Variants in SLC35E2B observed in about 807,000 individuals in gnomAD.
SLC35E2B encodes solute carrier family 35, member E2B.
SLC35E2B carries 18 observed loss-of-function variants against 32.4 expected under a neutral mutation model. The ratio of observed to expected loss-of-function variants is 0.56; its 90% CI spans 0.38 to 0.82. The LOEUF (loss-of-function observed/expected upper bound fraction) is 0.82, where lower values mean the gene tolerates loss of function less well. Among genes scored for constraint, SLC35E2B ranks in the 40% least tolerant of loss-of-function variants. The pLI, the probability that SLC35E2B is intolerant of heterozygous loss-of-function variation, is 0.00. For missense variants in SLC35E2B, 263 were observed against 469.5 expected (o/e 0.56, Z 4.06); for synonymous variants, 132 against 209.1 (o/e 0.63, Z 3.18).
Position 1,678,968 on chromosome 1 carries a change from C to T in SLC35E2B, c.-147-2122G>A, listed in dbSNP as rs1038645884. ...GCAGAGCAAAAGGACAGAGCACTCG[C>T]GACAGGGCTCCGCAAGGCAGGGGTG... On this transcript the variant is annotated intron_variant, in intron 2 of 9. Coordinates refer to ENST00000617444, the MANE Select transcript of SLC35E2B (RefSeq NM_001290264.2). Among the ~76,000 whole-genome samples the T allele has an allele frequency of 9.2e-5, 14 of 152,256 alleles. 1 individual carries two copies. The highest frequency in any genetic ancestry group is 4.1e-4 in the South Asian group (2 of 4,828).
rs1354014108 is a variant in SLC35E2B at position 1,681,756 on chromosome 1, C to T, written c.-147-4910G>A. Among the ~76,000 whole-genome samples the T allele has an allele frequency of 3.3e-5, 5 of 150,370 alleles. No homozygotes were observed. The South Asian group carries it at 6.3e-4, about 19-fold the overall frequency. On this transcript the variant is annotated intron_variant, in intron 2 of 9. Transcript: ENST00000617444. ...ATCCCAGCACTTTGGGAGGCTGAGGCAGAGGGATCCCGAGGTCAGGAGATG... is the reference window on the plus strand; with the variant it reads ...ATCCCAGCACTTTGGGAGGCTGAGGTAGAGGGATCCCGAGGTCAGGAGATG...
At chr1:1,691,830 C>CACAT (rs1228588039) in intron 1 of SLC35E2B, among the ~76,000 whole-genome samples, 2 of 94,862 alleles carry the variant, frequency 2.1e-5, no homozygotes, top group Non-Finnish European at 4.0e-5. Flanking sequence ...CTGCGCCCTA[C>CACAT]ACATCTTCAC....
chr1:1,664,168 C>T lies in SLC35E2B; in HGVS notation c.*1614G>A. On this transcript the variant is annotated 3_prime_UTR_variant, in exon 10 of 10. Transcript: ENST00000617444. ...ACTGTACTCCAGCCTGGGTGACAGA[C>T]AGAGCAAGACTGTCTCAAAAAAATA... 2.3e-6 allele frequency: 1 copy of T among 431,522 alleles called. No homozygotes were observed. The highest frequency in any genetic ancestry group is 3.1e-6 in the Non-Finnish European group (1 of 322,810). The allele number at this position is 431,522 out of a possible 1,614,324, so 26.7% of individuals were successfully genotyped here.
rs375870683 is a variant in SLC35E2B, at chr1:1,671,447, C to A, written c.707+62G>T. On this transcript the variant is annotated intron_variant, in intron 6 of 9. Coordinates refer to ENST00000617444, the MANE Select transcript of SLC35E2B (RefSeq NM_001290264.2). ...TTCTCAGCTCACCTGAGAATCTGCA[C>A]ACCCAGATGCAGGTGAGCACCGGGT... 1.9e-5 allele frequency: 25 copies of A among 1,340,472 alleles called. No individual in the cohort carries two copies. In the African/African-American group the frequency reaches 3.2e-4, roughly 17 times the overall value. 83.0% of individuals were successfully genotyped at this position (1,340,472 alleles called of 1,614,324 possible).
chr1:1,681,028 T>TC (rs1043837779), intron 2 of SLC35E2B, among the ~76,000 whole-genome samples: 1 of 151,226 alleles, frequency 6.6e-6, no homozygotes, highest in Non-Finnish European at 1.5e-5. Flanking sequence ...AATCCTGAAG[T>TC]CCAAGTTCTC....
chr1:1,665,512 G>A lies in SLC35E2B; in HGVS notation c.*270C>T, dbSNP rs1271678398. 1 of 579,202 alleles carries A rather than the reference G, an allele frequency of 1.7e-6. No individual in the cohort carries two copies. Among genetic ancestry groups the A allele is most frequent in the Non-Finnish European group, 3.0e-6 (1 of 333,972 alleles). The allele number at this position is 579,202 out of a possible 1,614,324, so 35.9% of individuals were successfully genotyped here. ...GAGGAAGTGGGCACCCCCAGCATGG[G>A]AGCCTCAGAGGCTGTTTTCACATTA... On this transcript the variant is annotated 3_prime_UTR_variant, in exon 10 of 10. Coordinates refer to ENST00000617444, the MANE Select transcript of SLC35E2B (RefSeq NM_001290264.2).
At chr1:1,689,790 C>G (rs1281743657) in intron 2 of SLC35E2B, among the ~76,000 whole-genome samples, 1 of 151,062 alleles carries the variant, frequency 6.6e-6, no homozygotes, top group Non-Finnish European at 1.5e-5. Context: ...AGCTCGAGAC[C>G]AGCCTGACCA....
At position 1,665,413 on chromosome 1, in the gene SLC35E2B, C is replaced by T. The variant is rs1643515247; in HGVS notation, c.*369G>A. On this transcript the variant is annotated 3_prime_UTR_variant, in exon 10 of 10. Coordinates refer to ENST00000617444, the MANE Select transcript of SLC35E2B (RefSeq NM_001290264.2). ...TGTGGGAAGCCGAGGGCTCTCTTGGCTGTGGCAGGGAGCGGCTCTCGTTGG... is the reference window on the plus strand; with the variant it reads ...TGTGGGAAGCCGAGGGCTCTCTTGGTTGTGGCAGGGAGCGGCTCTCGTTGG... 1 of 457,422 alleles carries T rather than the reference C, an allele frequency of 2.2e-6. No individual in the cohort carries two copies. The highest frequency in any genetic ancestry group is 3.9e-5 in the Admixed American group (1 of 25,530). 28.3% of individuals were successfully genotyped at this position (457,422 alleles called of 1,614,324 possible).
At chr1:1,686,982 G>A (rs1485106799) in intron 2 of SLC35E2B, among the ~76,000 whole-genome samples, 1 of 152,064 alleles carries the variant, frequency 6.6e-6, no homozygotes, top group African/African-American at 2.4e-5. Flanking sequence ...CGAGAACCCA[G>A]GAGGCGGAGC....
rs1469189906 is a variant in SLC35E2B at position 1,663,928 on chromosome 1, C to T, written c.*1854G>A. On this transcript the variant is annotated 3_prime_UTR_variant, in exon 10 of 10. Transcript: ENST00000617444. ...CGGCTGAAGCAGGTGTAGTAGCCCA[C>T]GCCTATATTCTCGACACTACAGGAG... 31 of 633,154 alleles carry T rather than the reference C, an allele frequency of 4.9e-5. 3 individuals carry two copies. The highest frequency in any genetic ancestry group is 2.0e-4 in the Admixed American group (3 of 15,112). 39.2% of individuals were successfully genotyped at this position (633,154 alleles called of 1,614,324 possible). A position where few individuals can be genotyped will look rare whatever the true frequency, so the allele number is the denominator to read the frequency against.
intron 2 of SLC35E2B, among the ~76,000 whole-genome samples, chr1:1,685,768 C>A (rs1196115072): frequency 6.6e-6 from 1 of 152,118 alleles, no homozygotes; most frequent in Non-Finnish European, 1.5e-5. Flanking sequence ...CACAAGGGCT[C>A]CAGACACACA....
chr1:1,664,791 A>C lies in SLC35E2B; in HGVS notation c.*991T>G. On this transcript the variant is annotated 3_prime_UTR_variant, in exon 10 of 10. Coordinates refer to ENST00000617444, the MANE Select transcript of SLC35E2B (RefSeq NM_001290264.2). The stretch of plus-strand genomic sequence containing the variant: ...CGCCCAGGTAAACGCCACGTAACCC[A>C]AACCATCAACACTGCAGCGTCCTGC... 2 of 903,252 alleles carry C rather than the reference A, an allele frequency of 2.2e-6. No individual in the cohort carries two copies. Among genetic ancestry groups the C allele is most frequent in the South Asian group, 1.0e-4 (2 of 19,162 alleles). The allele number at this position is 903,252 out of a possible 1,614,324, so 56.0% of individuals were successfully genotyped here.
rs1643444218 is a variant in SLC35E2B at position 1,662,991 on chromosome 1, G to A, written c.*2791C>T. The A allele has an allele frequency of 3.9e-5, 37 of 945,342 alleles. 5 individuals are homozygous for A. The South Asian group carries it at 6.7e-4, about 17-fold the overall frequency. 58.6% of individuals were successfully genotyped at this position (945,342 alleles called of 1,614,324 possible). A position where few individuals can be genotyped will look rare whatever the true frequency, so the allele number is the denominator to read the frequency against. On this transcript the variant is annotated 3_prime_UTR_variant, in exon 10 of 10. Transcript: ENST00000617444. ...AGCCAGGCCTTGGGTTTTGCCTCTTGGTGCCCGGCTGTGCTGGGAATGCCA... is the reference window on the plus strand; with the variant it reads ...AGCCAGGCCTTGGGTTTTGCCTCTTAGTGCCCGGCTGTGCTGGGAATGCCA...
At chr1:1,674,940 T>C (rs998837379) in intron 5 of SLC35E2B, among the ~76,000 whole-genome samples, 3 of 152,066 alleles carry the variant, frequency 2.0e-5, no homozygotes, top group African/African-American at 7.2e-5. Flanking sequence ...GGCTGACATG[T>C]CGCTGGAAAT....
chr1:1,673,982 A>G lies in SLC35E2B; in HGVS notation c.586+1481T>C, dbSNP rs373133951. On this transcript the variant is annotated intron_variant, in intron 5 of 9. Transcript: ENST00000617444. ...CTCTCAAAAAAGAAAAAAAAAAAAAAGAAAAAAAAAAGGAAGTTATCATAA... is the reference window on the plus strand; with the variant it reads ...CTCTCAAAAAAGAAAAAAAAAAAAAGGAAAAAAAAAAGGAAGTTATCATAA... 5.1e-4 allele frequency: 78 copies of G among 151,826 alleles called. 1 individual carries two copies. In the East Asian group the frequency reaches 0.012, roughly 24 times the overall value. 9.4% of individuals were successfully genotyped at this position (151,826 alleles called of 1,614,324 possible). A position where few individuals can be genotyped will look rare whatever the true frequency, so the allele number is the denominator to read the frequency against.
intron 5 of SLC35E2B, 49 bp downstream of exon 5, chr1:1,675,414 G>A: frequency 1.3e-6 from 2 of 1,599,178 alleles, no homozygotes; most frequent in Non-Finnish European, 1.7e-6. Context: ...ACGGATGGAG[G>A]CCTGGGATGG....
intron 2 of SLC35E2B, among the ~76,000 whole-genome samples, chr1:1,689,491 G>A (rs1004778467): frequency 6.6e-6 from 1 of 151,560 alleles, no homozygotes; most frequent in East Asian, 1.9e-4. Context: ...GCAGGGTCAC[G>A]ATTCGAACCC....
rs1335482198 is a variant in SLC35E2B at position 1,676,210 on chromosome 1, GA to G, written c.323-12del. ...GCATCTGCACCGCACCTGCGGGAGG[GA>G]GGGGGCCGAAGACAAGAGGGAGAAT... On this transcript the variant is annotated splice_polypyrimidine_tract_variant and intron_variant, in intron 3 of 9. Coordinates refer to ENST00000617444, the MANE Select transcript of SLC35E2B (RefSeq NM_001290264.2). 9.7e-7 allele frequency: 1 copy of G among 1,026,494 alleles called. No homozygotes were observed. Among genetic ancestry groups the G allele is most frequent in the African/African-American group, 1.8e-5 (1 of 57,044 alleles). The allele number at this position is 1,026,494 out of a possible 1,614,324, so 63.6% of individuals were successfully genotyped here.
At chr1:1,685,414 GA>G (rs571091862) in intron 2 of SLC35E2B, among the ~76,000 whole-genome samples, 39 of 102,806 alleles carry the variant, frequency 3.8e-4, no homozygotes, top group African/African-American at 6.7e-4. Flanking sequence ...CGTTTTCTCA[GA>G]AAAAAAAAAA....
Sources: allele counts gnomAD v4.1 joint callset (sites outside exome capture counted in the v4.1 genomes callset), GRCh38; gene constraint gnomAD v4.1.1; transcripts MANE v1.5; gene names NCBI Gene and HGNC (gene_info 2026-07-23, HGNC 2026-07-21).